DYSF: variants seen among roughly 807,000 people sequenced by gnomAD.
The protein encoded by DYSF is dysferlin.
DYSF carries 212 observed loss-of-function variants against 274.9 expected under a neutral mutation model. The observed-to-expected ratio is 0.77, with a 90% CI of 0.69 to 0.86. The LOEUF (loss-of-function observed/expected upper bound fraction) is 0.86, where lower values mean the gene tolerates loss of function less well. Among genes scored for constraint, DYSF ranks in the 40% least tolerant of loss-of-function variants. The pLI, the probability that DYSF is intolerant of heterozygous loss-of-function variation, is 0.00. For synonymous variants in DYSF, 1,091 were observed against 1,078.7 expected (o/e 1.01, Z -0.22); for missense variants, 2,666 against 2,783.2 (o/e 0.96, Z 0.95).
intron 41 of DYSF, among the ~76,000 whole-genome samples, chr2:71,637,943 C>T (rs981662197): frequency 6.6e-6 from 1 of 151,948 alleles, no homozygotes; most frequent in East Asian, 1.9e-4. Flanking sequence ...CTGGTGTGGC[C>T]GGGAGGAAGG....
chr2:71,684,633 G>T (rs2095334466), intron 55 of DYSF, among the ~76,000 whole-genome samples: 1 of 152,208 alleles, frequency 6.6e-6, no homozygotes, highest in South Asian at 2.1e-4. Flanking sequence ...AAGAGCTGCT[G>T]CAGACCCTCG....
intron 1 of DYSF, among the ~76,000 whole-genome samples, chr2:71,478,233 G>A (rs1182305513): frequency 6.8e-6 from 1 of 147,016 alleles, no homozygotes; most frequent in Non-Finnish European, 1.5e-5. Flanking sequence ...TTTTTTTGAG[G>A]CAGAGTCTCA....
intron 17 of DYSF, among the ~76,000 whole-genome samples, chr2:71,548,605 C>T (rs78973746): frequency 0.019 from 2,913 of 152,278 alleles, 41 homozygotes; most frequent in Admixed American, 0.025. Flanking sequence ...ATTCAGAGTC[C>T]ATACATGTGC....
In DYSF at chr2:71,665,605, G is replaced by T. The variant is rs141044267; in HGVS notation, c.5317+301G>T. On this transcript the variant is annotated intron_variant, in intron 47 of 55. Transcript: ENST00000410020. ...GAGGTGAGTCTGAAGCCAGTGTCAG[G>T]GTCAGAGTTAGGCTCAGTCTCTTTC... 1.6e-3 allele frequency among the ~76,000 whole-genome samples: 245 copies of T among 152,322 alleles called. 2 individuals carry two copies. Among genetic ancestry groups the T allele is most frequent in the African/African-American group, 5.6e-3 (232 of 41,560 alleles).
At chr2:71,534,966 G>A (rs1451587787) in intron 14 of DYSF, 55 bp from the exon 15 acceptor site, 3 of 1,589,202 alleles carry the variant, frequency 1.9e-6, no homozygotes, top group Non-Finnish European at 2.6e-6. Flanking sequence ...GGCCCCGGGG[G>A]AGCCCAGAGT....
Position 71,574,232 on chromosome 2 carries a change from A to C in DYSF, c.3263A>C (p.Glu1088Ala). 2.5e-6 allele frequency: 4 copies of C among 1,613,740 alleles called. No individual in the cohort carries two copies. The highest frequency in any genetic ancestry group is 3.4e-6 in the Non-Finnish European group (4 of 1,180,004). ...GCGGAGGCGGAGGGCGAGGGCTGGG[A>C]GTACGCCTCTCTTTTTGGCTGGAAG... Reference protein sequence around the residue: ...RQAEAEGEGWEYASLFGWKFH... With the variant: ...RQAEAEGEGWAYASLFGWKFH... The change falls in exon 30 of 56, where the codon GAG becomes GCG. Residue 1088 changes from glutamate (E) to alanine (A), a missense_variant. Transcript: ENST00000410020.
At chr2:71,679,350 C>T (rs373626557) in intron 53 of DYSF, 115 bp downstream of exon 53, 7 of 1,013,804 alleles carry the variant, frequency 6.9e-6, no homozygotes, top group South Asian at 1.6e-5. Context: ...TCCTTTCTCC[C>T]CCTCTCCTGC....
intron 7 of DYSF, among the ~76,000 whole-genome samples, chr2:71,515,030 A>G (rs1016620773): frequency 1.3e-5 from 2 of 152,132 alleles, no homozygotes; most frequent in Non-Finnish European, 2.9e-5. Flanking sequence ...GCCAGTAAAT[A>G]TCTTATTTTT....
At chr2:71,618,024 G>A (rs2093949882) in intron 40 of DYSF, among the ~76,000 whole-genome samples, 1 of 132,976 alleles carries the variant, frequency 7.5e-6, no homozygotes, top group Non-Finnish European at 1.6e-5. Flanking sequence ...TGGGGTGTGT[G>A]TGTGTGGTAG....
intron 16 of DYSF, among the ~76,000 whole-genome samples, chr2:71,538,753 T>C (rs1049557372): frequency 1.3e-5 from 2 of 152,262 alleles, no homozygotes; most frequent in Admixed American, 1.3e-4. Context: ...TGGACATTTC[T>C]TTAGCTCCTG....
chr2:71,667,779 G>A (rs535136639), intron 48 of DYSF, among the ~76,000 whole-genome samples: 91 of 152,204 alleles, frequency 6.0e-4, no homozygotes, highest in African/African-American at 2.0e-3. Context: ...CCTGGCCTCC[G>A]ACCTCTCCTT....
chr2:71,598,412 A>G, intron 32 of DYSF, 152 bp from the exon 33 acceptor site: 2 of 958,616 alleles, frequency 2.1e-6, no homozygotes, highest in South Asian at 1.4e-5. Flanking sequence ...GGAGAGCCCC[A>G]TAGGGAAGAT....
chr2:71,484,925 C>T (rs1335553545), intron 3 of DYSF, among the ~76,000 whole-genome samples: 1 of 152,164 alleles, frequency 6.6e-6, no homozygotes, highest in Non-Finnish European at 1.5e-5. Context: ...CCATTGGCCC[C>T]TGTGGGTGTT....
intron 29 of DYSF, 170 bp downstream of exon 29, chr2:71,570,911 A>T: frequency 3.2e-6 from 3 of 938,110 alleles, no homozygotes; most frequent in Non-Finnish European, 4.7e-6. Flanking sequence ...CCCAAAGATC[A>T]CACCCAGCAT....
At chr2:71,601,992 A>G (rs2093560414) in intron 35 of DYSF, among the ~76,000 whole-genome samples, 1 of 152,168 alleles carries the variant, frequency 6.6e-6, no homozygotes. Flanking sequence ...GGGCCTTCTC[A>G]CACATGCACG....
At chr2:71,478,985 G>A (rs1643781458) in intron 1 of DYSF, among the ~76,000 whole-genome samples, 1 of 151,996 alleles carries the variant, frequency 6.6e-6, no homozygotes, top group Non-Finnish European at 1.5e-5. Context: ...CAGGCTGGAT[G>A]GACTCTGATG....
rs780735396 is a variant in DYSF, at chr2:71,686,440, C to T, written c.6322-14C>T. ...TGGGATCACCATGGGTCCCTGTCTC[C>T]TCCCTCCCTCCAGAACTATGCTGCC... On this transcript the variant is annotated splice_polypyrimidine_tract_variant and intron_variant, in intron 55 of 55. Transcript: ENST00000410020. 3.1e-6 allele frequency: 5 copies of T among 1,613,868 alleles called. No individual in the cohort carries two copies. The Admixed American group carries it at 8.3e-5, about 27-fold the overall frequency.
At chr2:71,671,627 C>T (rs1449708806) in intron 51 of DYSF, among the ~76,000 whole-genome samples, 1 of 152,128 alleles carries the variant, frequency 6.6e-6, no homozygotes, top group Admixed American at 6.5e-5. Context: ...GACTTGAGAC[C>T]AGTGGAAAAG....
In DYSF at chr2:71,515,706, C is replaced by G; in HGVS notation, c.843C>G (p.Thr281=). The G allele has an allele frequency of 6.2e-7, 1 of 1,614,100 alleles. No individual in the cohort carries two copies. Among genetic ancestry groups the G allele is most frequent in the East Asian group, 2.2e-5 (1 of 44,866 alleles). ...TCAAGGTTACCGCTGCAGGGCAGACCAAGCGGACGCGGATCCACAAGGGAA... is the reference window on the plus strand; with the variant it reads ...TCAAGGTTACCGCTGCAGGGCAGACGAAGCGGACGCGGATCCACAAGGGAA... ...PVVKVTAAGQ[T]KRTRIHKGNS... The change falls in exon 8 of 56, where the codon ACC becomes ACG. Residue 281 remains threonine (T), a synonymous_variant. Coordinates refer to ENST00000410020, the MANE Select transcript of DYSF (RefSeq NM_001130987.2).
Sources: gnomAD v4.1 joint callset for allele counts (sites outside exome capture counted in the v4.1 genomes callset) on GRCh38, gnomAD v4.1.1 for gene constraint, MANE v1.5 for transcripts, NCBI Gene and HGNC (gene_info 2026-07-23, HGNC 2026-07-21) for gene names.